Variants in LAMA2 observed in about 807,000 individuals in gnomAD.
LAMA2 encodes laminin subunit alpha-2.
LAMA2 carries 269 observed loss-of-function variants against 364.8 expected under a neutral mutation model. The ratio of observed to expected loss-of-function variants is 0.74; its 90% CI spans 0.67 to 0.82. LAMA2 has a LOEUF of 0.82. Ranked by LOEUF, LAMA2 falls within the 40% of genes least tolerant of loss-of-function variation. The pLI, the probability that LAMA2 is intolerant of heterozygous loss-of-function variation, is 0.00. For synonymous variants in LAMA2, 1,379 were observed against 1,370.6 expected (o/e 1.01, Z -0.14); for missense variants, 3,807 against 3,873.2 (o/e 0.98, Z 0.45).
chr6:129,206,112 GGAAGGAAGGAAGGAAGGAAGGAAGGA>G (rs1782649215), intron 12 of LAMA2, among the ~76,000 whole-genome samples: 1 of 97,254 alleles, frequency 1.0e-5, no homozygotes, highest in African/African-American at 4.4e-5. Flanking sequence ...GAGGGAGGAA[GGAAGGAAGGAAGGAAGGAAGGAAGGA>G]AGGAAGGAAG....
chr6:129,277,681 A>G (rs1309355271), intron 17 of LAMA2, among the ~76,000 whole-genome samples: 1 of 152,178 alleles, frequency 6.6e-6, no homozygotes, highest in African/African-American at 2.4e-5. Context: ...ACCTTGGTTA[A>G]GAAAAACTGT....
intron 16 of LAMA2, 53 bp from the exon 17 acceptor site, chr6:129,270,571 A>G (rs1787852688): frequency 1.2e-6 from 2 of 1,605,602 alleles, no homozygotes; most frequent in South Asian, 2.2e-5. Context: ...TTTTGGCAAC[A>G]TGTTGATCCC....
intron 62 of LAMA2, among the ~76,000 whole-genome samples, chr6:129,509,578 C>A (rs1786401290): frequency 6.6e-6 from 1 of 152,096 alleles, no homozygotes; most frequent in Non-Finnish European, 1.5e-5. Context: ...ATATGAATAT[C>A]CAGTTTTCCC....
rs546395293 is a variant in LAMA2 at position 129,456,379 on chromosome 6, C to A, written c.6752C>A (p.Pro2251His). The A allele has an allele frequency of 3.1e-6, 5 of 1,613,554 alleles. No individual in the cohort carries two copies. In the African/African-American group the frequency reaches 5.3e-5, roughly 17 times the overall value. The change falls in exon 48 of 65, where the codon CCC becomes CAC. Residue 2251 changes from proline (P) to histidine (H), a missense_variant. Coordinates refer to ENST00000421865, the MANE Select transcript of LAMA2 (RefSeq NM_000426.4). ...ATTTCTGTGAGAGCCCTGGATGGAC[C>A]CAAAGCCAGCATTGTGCCCAGCACA... Reference protein sequence around the residue: ...GTISVRALDGPKASIVPSTHH... With the variant: ...GTISVRALDGHKASIVPSTHH...
At chr6:129,328,168 T>C in intron 28 of LAMA2, 110 bp from the exon 29 acceptor site, 1 of 916,876 alleles carries the variant, frequency 1.1e-6, no homozygotes, top group Non-Finnish European at 1.8e-6. Flanking sequence ...ATGTTGCCCC[T>C]GCCGCAGGTG....
intron 1 of LAMA2, among the ~76,000 whole-genome samples, chr6:128,968,360 A>T (rs1781981095): frequency 6.6e-6 from 1 of 152,220 alleles, no homozygotes; most frequent in African/African-American, 2.4e-5. Context: ...AAGCAATGGG[A>T]AAACAGGAGT....
chr6:129,464,442 C>A lies in LAMA2; in HGVS notation c.7145C>A (p.Thr2382Lys). 6.2e-7 allele frequency: 1 copy of A among 1,611,762 alleles called. No homozygotes were observed. Among genetic ancestry groups the A allele is most frequent in the African/African-American group, 1.3e-5 (1 of 74,842 alleles). ...SSSALLMYLATRDLRDFMSVE... is the reference protein window; with the variant it reads ...SSSALLMYLAKRDLRDFMSVE... ...AGTGCTCTTCTGATGTATCTTGCCA[C>A]ACGAGACCTGGTAAAGATCATATGC... Residue 2382 changes from threonine to lysine, a missense_variant, in exon 50 of 65, where the codon ACA becomes AAA. Transcript: ENST00000421865.
intron 1 of LAMA2, among the ~76,000 whole-genome samples, chr6:128,952,978 A>G (rs1582757075): frequency 6.6e-6 from 1 of 152,142 alleles, no homozygotes; most frequent in African/African-American, 2.4e-5. Flanking sequence ...AATGGCTACT[A>G]GTAGCTACAG....
intron 22 of LAMA2, among the ~76,000 whole-genome samples, chr6:129,305,255 G>A (rs1160512571): frequency 6.6e-6 from 1 of 151,030 alleles, no homozygotes; most frequent in Non-Finnish European, 1.5e-5. Context: ...CTTTTTAATG[G>A]TGTTTGTGTG....
chr6:129,250,817 C>T (rs998311550), intron 13 of LAMA2, among the ~76,000 whole-genome samples: 1 of 151,974 alleles, frequency 6.6e-6, no homozygotes, highest in Non-Finnish European at 1.5e-5. Context: ...GACACTGATA[C>T]GTATTCAGAG....
At chr6:128,887,730 C>T (rs1776223788) in intron 1 of LAMA2, among the ~76,000 whole-genome samples, 3 of 151,872 alleles carry the variant, frequency 2.0e-5, no homozygotes, top group African/African-American at 4.8e-5. Flanking sequence ...ATTAGCCAGG[C>T]GTGGTGGCAT....
At chr6:129,157,710 C>T (rs1425058127) in intron 8 of LAMA2, 15 of 1,611,886 alleles carry the variant, frequency 9.3e-6, no homozygotes, top group South Asian at 4.4e-5. Context: ...CACAACCTCA[C>T]GCATATCTTC....
intron 10 of LAMA2, among the ~76,000 whole-genome samples, chr6:129,183,683 G>T (rs1327145094): frequency 1.3e-5 from 2 of 151,808 alleles, no homozygotes; most frequent in Non-Finnish European, 2.9e-5. Context: ...ATTTTTAATG[G>T]CTCGGCTTAA....
intron 22 of LAMA2, among the ~76,000 whole-genome samples, chr6:129,301,880 CGTA>C (rs1376345782): frequency 6.6e-6 from 1 of 152,036 alleles, no homozygotes; most frequent in Non-Finnish European, 1.5e-5. Context: ...AAAATAGAAT[CGTA>C]GTCTGTTTTT....
chr6:129,378,649 A>G (rs908161901), intron 34 of LAMA2, among the ~76,000 whole-genome samples: 10 of 152,170 alleles, frequency 6.6e-5, no homozygotes, highest in East Asian at 1.9e-4. Flanking sequence ...CCAGTTTTTC[A>G]TGTATTTTAC....
intron 1 of LAMA2, among the ~76,000 whole-genome samples, chr6:129,032,086 G>C (rs1786269856): frequency 6.6e-6 from 1 of 152,178 alleles, no homozygotes; most frequent in Admixed American, 6.5e-5. Context: ...CCAAAGTGCT[G>C]GGATTACAGG....
chr6:129,485,122 G>A (rs951871577), intron 55 of LAMA2, among the ~76,000 whole-genome samples: 1 of 151,772 alleles, frequency 6.6e-6, no homozygotes, highest in Non-Finnish European at 1.5e-5. Context: ...TTCTCATATT[G>A]CAAATGATAA....
At chr6:129,209,192 A>C (rs1399185300) in intron 12 of LAMA2, among the ~76,000 whole-genome samples, 1 of 152,212 alleles carries the variant, frequency 6.6e-6, no homozygotes, top group African/African-American at 2.4e-5. Context: ...ATGGTTTTAT[A>C]TAAAAGCAAA....
At chr6:129,160,231 TTC>T (rs1324571373) in intron 8 of LAMA2, among the ~76,000 whole-genome samples, 1 of 152,094 alleles carries the variant, frequency 6.6e-6, no homozygotes, top group African/African-American at 2.4e-5. Context: ...GTCTCTAGTT[TTC>T]TTCGTGCATT....
Sources: allele counts gnomAD v4.1 joint callset (sites outside exome capture counted in the v4.1 genomes callset), GRCh38; gene constraint gnomAD v4.1.1; transcripts MANE v1.5; gene names NCBI Gene and HGNC (gene_info 2026-07-23, HGNC 2026-07-21).